TMC7: variants seen among roughly 807,000 people sequenced by gnomAD.
The protein encoded by TMC7 is transmembrane channel-like protein 7.
Under a neutral mutation model 82.9 loss-of-function variants are expected in TMC7, and 54 were observed. That is an observed-to-expected ratio of 0.65 (90% CI 0.52 to 0.82). TMC7 has a LOEUF of 0.82. Ranked by LOEUF, TMC7 falls within the 40% of genes least tolerant of loss-of-function variation. The pLI is 0.00. For synonymous variants in TMC7, 350 were observed against 337.9 expected (o/e 1.04, Z -0.39); for missense variants, 820 against 901.2 (o/e 0.91, Z 1.15).
intron 2 of TMC7, among the ~76,000 whole-genome samples, chr16:19,015,731 C>G (rs1959653226): frequency 2.0e-5 from 3 of 152,184 alleles, no homozygotes; most frequent in African/African-American, 7.2e-5. Context: ...ACGCCCACCA[C>G]CATGCCTGGC....
chr16:19,045,879 AGCCACCGCGCCCG>A (rs2142286068), intron 11 of TMC7, among the ~76,000 whole-genome samples: 1 of 151,942 alleles, frequency 6.6e-6, no homozygotes, highest in African/African-American at 2.4e-5. Flanking sequence ...TATAGGCATG[AGCCACCGCGCCCG>A]GCCAAGTTTT....
At chr16:19,034,185 T>G (rs1235312593) in intron 6 of TMC7, among the ~76,000 whole-genome samples, 5 of 152,208 alleles carry the variant, frequency 3.3e-5, no homozygotes, top group Non-Finnish European at 7.3e-5. Flanking sequence ...CATATAAAGG[T>G]GGCAAGATAG....
At chr16:19,046,722 A>G (rs1453814324) in intron 11 of TMC7, among the ~76,000 whole-genome samples, 1 of 151,998 alleles carries the variant, frequency 6.6e-6, no homozygotes, top group Admixed American at 6.6e-5. Flanking sequence ...AGTCTCAGCC[A>G]CTTGGGAGGC....
intron 7 of TMC7, 69 bp from the exon 8 acceptor site, chr16:19,037,805 T>C: frequency 6.8e-7 from 1 of 1,476,118 alleles, no homozygotes; most frequent in Non-Finnish European, 9.3e-7. Context: ...GAGAGAATGA[T>C]GAATCAATTT....
At chr16:19,020,606 G>A (rs1443113654) in intron 3 of TMC7, among the ~76,000 whole-genome samples, 2 of 151,714 alleles carry the variant, frequency 1.3e-5, no homozygotes, top group South Asian at 4.2e-4. Flanking sequence ...GGTGGCTCAC[G>A]CCTATAATCC....
chr16:19,023,457 A>G (rs906410874), intron 5 of TMC7, among the ~76,000 whole-genome samples: 1 of 151,698 alleles, frequency 6.6e-6, no homozygotes. Flanking sequence ...TATTATTATT[A>G]TTTTTTTGAG....
intron 10 of TMC7, 118 bp downstream of exon 10, chr16:19,045,119 C>A: frequency 1.1e-6 from 1 of 935,036 alleles, no homozygotes; most frequent in South Asian, 1.4e-5. Context: ...CTTTCTTGTT[C>A]TAGTGATGAG....
intron 1 of TMC7, among the ~76,000 whole-genome samples, chr16:18,987,689 A>C (rs1388148526): frequency 1.3e-5 from 2 of 152,192 alleles, no homozygotes; most frequent in Non-Finnish European, 2.9e-5. Flanking sequence ...GGCATCTGGC[A>C]CACAGCAGAT....
At chr16:18,994,112 C>G (rs2038997509) in intron 1 of TMC7, among the ~76,000 whole-genome samples, 1 of 151,962 alleles carries the variant, frequency 6.6e-6, no homozygotes, top group Non-Finnish European at 1.5e-5. Context: ...AAGTCCAGGC[C>G]AGGAACAATG....
chr16:19,025,730 C>A (rs1357065660), intron 5 of TMC7, among the ~76,000 whole-genome samples: 2 of 151,550 alleles, frequency 1.3e-5, no homozygotes, highest in Non-Finnish European at 2.9e-5. Flanking sequence ...TTGTCCACTG[C>A]ATTTGATTTT....
chr16:19,054,432 T>A (rs1961675160), intron 13 of TMC7, among the ~76,000 whole-genome samples: 1 of 151,992 alleles, frequency 6.6e-6, no homozygotes, highest in Non-Finnish European at 1.5e-5. Context: ...AATGGCATGG[T>A]AGGCTGGGCG....
At chr16:19,060,353 C>T (rs1961948910) in intron 15 of TMC7, among the ~76,000 whole-genome samples, 1 of 152,008 alleles carries the variant, frequency 6.6e-6, no homozygotes, top group African/African-American at 2.4e-5. Flanking sequence ...TACAGGCGTG[C>T]ATCACCATGC....
At position 19,035,734 on chromosome 16, in the gene TMC7, T is replaced by C. The variant is rs146388936; in HGVS notation, c.916T>C (p.Cys306Arg). 7.8e-5 allele frequency: 126 copies of C among 1,613,908 alleles called. No homozygotes were observed. Among genetic ancestry groups the C allele is most frequent in the Non-Finnish European group, 1.0e-4 (121 of 1,179,990 alleles). Residue 306 changes from cysteine to arginine, a missense_variant, in exon 7 of 16, where the codon TGC becomes CGC. Cys to Arg is a radical substitution (Grantham distance 180). Coordinates refer to ENST00000304381, the MANE Select transcript of TMC7 (RefSeq NM_024847.4). ...IRSEEHFQSY[C>R]NKIFAGWDFC... ...GAGTGAGGAGCACTTTCAGAGTTACTGCAACAAGATATTTGCCGGCTGGGA... is the reference window on the plus strand; with the variant it reads ...GAGTGAGGAGCACTTTCAGAGTTACCGCAACAAGATATTTGCCGGCTGGGA...
In TMC7 at chr16:19,023,182, T is replaced by TG. The variant is rs758815804; in HGVS notation, c.699dup (p.Leu234AlafsTer11). 1.3e-6 allele frequency: 2 copies of TG among 1,598,804 alleles called. No homozygotes were observed. Among genetic ancestry groups the TG allele is most frequent in the East Asian group, 4.5e-5 (2 of 44,762 alleles). On this transcript the variant is annotated frameshift_variant, in exon 5 of 16. Transcript: ENST00000304381. LOFTEE classifies it high-confidence loss of function. ...TACTTTTACAGTTATATCATAGACTTGCTTTCTGGCACTGTAAGTATTTAA... is the reference window on the plus strand; with the variant it reads ...TACTTTTACAGTTATATCATAGACTTGGCTTTCTGGCACTGTAAGTATTTAA...
intron 1 of TMC7, among the ~76,000 whole-genome samples, chr16:18,984,997 C>G (rs2038819646): frequency 6.6e-6 from 1 of 152,156 alleles, no homozygotes; most frequent in African/African-American, 2.4e-5. Context: ...CGTGGTGGCT[C>G]ACGCCTGTAA....
intron 4 of TMC7, 69 bp from the exon 5 acceptor site, chr16:19,023,044 C>CA (rs1234908148): frequency 1.0e-6 from 1 of 956,940 alleles, no homozygotes; most frequent in Non-Finnish European, 1.6e-6. Context: ...AACAAACAAA[C>CA]AAAAAAACCA....
chr16:19,059,378 T>C (rs374902125), intron 14 of TMC7, 38 bp from the exon 15 acceptor site: 23 of 1,602,438 alleles, frequency 1.4e-5, no homozygotes, highest in Non-Finnish European at 2.0e-5. Context: ...CTTCAGATGA[T>C]CCAGACTCCC....
intron 1 of TMC7, among the ~76,000 whole-genome samples, chr16:19,007,625 G>A (rs994481904): frequency 2.6e-5 from 4 of 151,310 alleles, no homozygotes; most frequent in African/African-American, 7.3e-5. Flanking sequence ...CCGAGATCAC[G>A]TGCCACTGCA....
chr16:19,020,707 A>C (rs1248613951), intron 3 of TMC7, among the ~76,000 whole-genome samples: 1 of 152,052 alleles, frequency 6.6e-6, no homozygotes, highest in African/African-American at 2.4e-5. Flanking sequence ...ATCTGTACTA[A>C]AAACATAAAA....
Sources: gnomAD v4.1 joint callset for allele counts (sites outside exome capture counted in the v4.1 genomes callset) on GRCh38, gnomAD v4.1.1 for gene constraint, MANE v1.5 for transcripts, NCBI Gene and HGNC (gene_info 2026-07-23, HGNC 2026-07-21) for gene names.